The following RGS8 variants were observed in gnomAD, a reference collection of about 807,000 sequenced individuals.
RGS8 encodes regulator of G-protein signaling 8.
RGS8 carries 8 observed loss-of-function variants against 21.7 expected under a neutral mutation model. The ratio of observed to expected loss-of-function variants is 0.37; its 90% confidence interval spans 0.22 to 0.66. The LOEUF (loss-of-function observed/expected upper bound fraction) is 0.66. RGS8 is among the 30% of genes least tolerant of loss of function. RGS8 has a pLI of 0.59. For missense variants in RGS8, 157 were observed against 217.9 expected (o/e 0.72, Z 1.76); for synonymous variants, 80 against 83.6 (o/e 0.96, Z 0.24).
chr1:182,710,179 C>T, the RGS8 span, among the ~76,000 whole-genome samples: 1 of 152,180 alleles, frequency 6.6e-6, no homozygotes, highest in African/African-American at 2.4e-5. Context: ...TAACTGCAAA[C>T]TTCTTTCTCC....
rs186851745 is a variant in RGS8, at chr1:182,656,568, A to C, written c.194-8265T>G. Among the ~76,000 whole-genome samples, 454 of 152,352 alleles carry C rather than the reference A, an allele frequency of 3.0e-3. 6 individuals carry two copies. The highest frequency in any genetic ancestry group is 0.01 in the African/African-American group (426 of 41,582). ...CCATGGCCAGGGGATGCTGTAACGA[A>C]GAACAGCTGAGTGGCCTTGTAAAGA... On this transcript the variant is annotated intron_variant, in intron 5 of 6. Transcript: ENST00000483095.
chr1:182,691,628 A>AC, the RGS8 span, among the ~76,000 whole-genome samples: 2 of 151,038 alleles, frequency 1.3e-5, no homozygotes, highest in African/African-American at 4.8e-5. Flanking sequence ...AAAAAAAAAA[A>AC]AAAAAAACCT....
chr1:182,742,239 C>T, the RGS8 span, among the ~76,000 whole-genome samples: 1 of 150,664 alleles, frequency 6.6e-6, no homozygotes, highest in Non-Finnish European at 1.5e-5. Context: ...GGCAGAGATG[C>T]TCCTCACTTT....
At chr1:182,697,098 T>G in the RGS8 span, among the ~76,000 whole-genome samples, 2 of 152,190 alleles carry the variant, frequency 1.3e-5, no homozygotes, top group Non-Finnish European at 2.9e-5. Context: ...CTCTGCCACT[T>G]TTTACTGGCC....
the RGS8 span, among the ~76,000 whole-genome samples, chr1:182,722,148 A>AGTT: frequency 1.3e-5 from 2 of 152,036 alleles, no homozygotes; most frequent in Non-Finnish European, 2.9e-5. Context: ...GGAAGAAGGT[A>AGTT]GTTCCAGAGG....
chr1:182,691,730 C>G, the RGS8 span, among the ~76,000 whole-genome samples: 1 of 150,662 alleles, frequency 6.6e-6, no homozygotes, highest in Non-Finnish European at 1.5e-5. Flanking sequence ...TGGGCAAAAG[C>G]TGGAAGCTTT....
rs145690646 is a variant in RGS8, at chr1:182,661,086, TTTGA to T, written c.193+4879_193+4882del. ...AATTGATAATTTTAATGTTTGTTTA[TTTGA>T]TTGTTTGGGGTCTTCTGCTTGGTTG... On this transcript the variant is annotated intron_variant, in intron 5 of 6. Coordinates refer to ENST00000483095, the Ensembl canonical transcript of RGS8. Among the ~76,000 whole-genome samples the T allele has an allele frequency of 4.2e-3, 630 of 151,732 alleles. 8 individuals carry two copies. The highest frequency in any genetic ancestry group is 0.015 in the African/African-American group (604 of 41,350).
chr1:182,737,787 A>G, the RGS8 span, among the ~76,000 whole-genome samples: 1 of 152,154 alleles, frequency 6.6e-6, no homozygotes, highest in Admixed American at 6.5e-5. Flanking sequence ...GGGGGCGACC[A>G]TTCAACCCCC....
the RGS8 span, among the ~76,000 whole-genome samples, chr1:182,740,288 T>G: frequency 2.2e-4 from 33 of 152,336 alleles, no homozygotes; most frequent in African/African-American, 7.7e-4. Flanking sequence ...CTACAGTAAG[T>G]GCTACCAGAG....
chr1:182,750,390 T>A, the RGS8 span, among the ~76,000 whole-genome samples: 1 of 152,194 alleles, frequency 6.6e-6, no homozygotes, highest in African/African-American at 2.4e-5. Flanking sequence ...ATAGTTCAGA[T>A]CCTTGACTTT....
the RGS8 span, among the ~76,000 whole-genome samples, chr1:182,701,802 C>T: frequency 6.6e-6 from 1 of 152,156 alleles, no homozygotes; most frequent in African/African-American, 2.4e-5. Flanking sequence ...CTGGGGTTCT[C>T]TACTTTTAAA....
At chr1:182,719,450 T>C in the RGS8 span, among the ~76,000 whole-genome samples, 1 of 144,640 alleles carries the variant, frequency 6.9e-6, no homozygotes, top group South Asian at 2.2e-4. Context: ...CTATTTTTCT[T>C]TTTCTTTCTT....
chr1:182,730,214 T>A, the RGS8 span, among the ~76,000 whole-genome samples: 4 of 152,200 alleles, frequency 2.6e-5, no homozygotes, highest in African/African-American at 7.2e-5. Context: ...CCTTCTGCTA[T>A]CCATAAGACA....
At chr1:182,704,125 T>C in the RGS8 span, among the ~76,000 whole-genome samples, 6 of 152,262 alleles carry the variant, frequency 3.9e-5, 1 homozygote, top group South Asian at 2.1e-4. Context: ...GGGCTTTTGA[T>C]TGAATGGAAT....
chr1:182,735,111 T>C, the RGS8 span, among the ~76,000 whole-genome samples: 1 of 152,192 alleles, frequency 6.6e-6, no homozygotes, highest in Non-Finnish European at 1.5e-5. Flanking sequence ...TAACCCCATT[T>C]TAAGTGCTCA....
chr1:182,704,012 C>G, the RGS8 span, among the ~76,000 whole-genome samples: 1 of 152,156 alleles, frequency 6.6e-6, no homozygotes, highest in African/African-American at 2.4e-5. Flanking sequence ...CTTAGAGAGG[C>G]AATATATAAA....
chr1:182,669,666 G>T (rs773807403), exon 3 of RGS8: 1 of 1,614,214 alleles, frequency 6.2e-7, no homozygotes, highest in African/African-American at 1.3e-5. Context: ...ATCAGCTTAC[G>T]GTTAACCCTT....
the RGS8 span, among the ~76,000 whole-genome samples, chr1:182,698,550 T>C: frequency 6.6e-6 from 1 of 152,218 alleles, no homozygotes; most frequent in Non-Finnish European, 1.5e-5. Context: ...CTCCTTTCTC[T>C]GGAAAGCCAA....
At chr1:182,659,364 G>T (rs781542370) in intron 5 of RGS8, among the ~76,000 whole-genome samples, 1 of 152,210 alleles carries the variant, frequency 6.6e-6, no homozygotes. Flanking sequence ...ACAGGGTGAA[G>T]GTTTAGCATT....
Sources: gnomAD v4.1 joint callset for allele counts (sites outside exome capture counted in the v4.1 genomes callset) on GRCh38, gnomAD v4.1.1 for gene constraint, MANE v1.5 for transcripts, NCBI Gene and HGNC (gene_info 2026-07-23, HGNC 2026-07-21) for gene names.